The following TENM2 variants were observed in gnomAD, a reference collection of about 807,000 sequenced individuals.
The protein encoded by TENM2 is teneurin-2.
A neutral mutation model predicts 245.2 loss-of-function variants in TENM2; 52 were observed. The ratio of observed to expected loss-of-function variants is 0.21; its 90% CI spans 0.17 to 0.27. TENM2 has a LOEUF of 0.27. Among genes scored for constraint, TENM2 ranks in the 10% least tolerant of loss-of-function variants. The pLI, the probability that TENM2 is intolerant of heterozygous loss-of-function variation, is 1.00. For missense variants in TENM2, 3,046 were observed against 3,666.8 expected (o/e 0.83, Z 4.37); for synonymous variants, 1,363 against 1,438.9 (o/e 0.95, Z 1.19).
Position 168,036,512 on chromosome 5 carries a change from T to G in TENM2, c.1187-10915T>G, listed in dbSNP as rs932028670. On this transcript the variant is annotated intron_variant, in intron 5 of 28. Coordinates refer to ENST00000518659, the Ensembl canonical transcript of TENM2. Reference sequence around the variant, plus strand: ...TTAGCTGGGCATGGTGGTGGGTGCCTGTAATCCCAGCTACTTGGGAGGCTG... The same window carrying G: ...TTAGCTGGGCATGGTGGTGGGTGCCGGTAATCCCAGCTACTTGGGAGGCTG... Among the ~76,000 whole-genome samples the G allele has an allele frequency of 3.7e-4, 56 of 151,698 alleles. 1 individual carries two copies. The highest frequency in any genetic ancestry group is 2.8e-4 in the Non-Finnish European group (19 of 67,942).
chr5:166,996,051 G>C, the TENM2 span, among the ~76,000 whole-genome samples: 1 of 151,698 alleles, frequency 6.6e-6, no homozygotes, highest in African/African-American at 2.4e-5. Context: ...ATTATCAAAG[G>C]AATAATTTTT....
chr5:168,010,037 C>T lies in TENM2; in HGVS notation c.1186+16855C>T, dbSNP rs149453700. Among the ~76,000 whole-genome samples the T allele has an allele frequency of 1.2e-3, 190 of 152,322 alleles. 1 individual carries two copies. The highest frequency in any genetic ancestry group is 6.0e-3 in the East Asian group (31 of 5,182). On this transcript the variant is annotated intron_variant, in intron 5 of 28. Coordinates refer to ENST00000518659, the Ensembl canonical transcript of TENM2. ...GAATCCACCCCTGAAGCCTGCAGCTCCCTCCTGCTTCCCTGCCATGAGAGA... is the reference window on the plus strand; with the variant it reads ...GAATCCACCCCTGAAGCCTGCAGCTTCCTCCTGCTTCCCTGCCATGAGAGA...
intron 2 of TENM2, among the ~76,000 whole-genome samples, chr5:167,623,244 A>G (rs1778289939): frequency 6.6e-6 from 1 of 152,124 alleles, no homozygotes; most frequent in African/African-American, 2.4e-5. Context: ...TTATTTTCTA[A>G]TACTAGGTTC....
chr5:167,249,159 G>C, the TENM2 span, among the ~76,000 whole-genome samples: 4 of 152,112 alleles, frequency 2.6e-5, no homozygotes, highest in Non-Finnish European at 5.9e-5. Flanking sequence ...AAATTTACTG[G>C]AGTGCCTGTA....
intron 10 of TENM2, among the ~76,000 whole-genome samples, chr5:168,123,705 C>G (rs537710641): frequency 3.9e-5 from 6 of 152,344 alleles, no homozygotes; most frequent in Non-Finnish European, 5.9e-5. Flanking sequence ...AGAAATATGT[C>G]TTAATCAAGT....
intron 2 of TENM2, among the ~76,000 whole-genome samples, chr5:167,482,921 A>G (rs1767843477): frequency 6.6e-6 from 1 of 152,246 alleles, no homozygotes; most frequent in Non-Finnish European, 1.5e-5. Context: ...ACTGAGGAAT[A>G]TCCATTTCTT....
rs1012368166 is a variant in TENM2, at chr5:167,353,160, G to T, written c.227-22038G>T. ...TAATCTGTGAAATGCTTTCTGAGCA[G>T]ACTGGCTCATCAGCGCATGCCATGC... On this transcript the variant is annotated intron_variant, in intron 1 of 28. Coordinates refer to ENST00000518659, the Ensembl canonical transcript of TENM2. 3.9e-5 allele frequency among the ~76,000 whole-genome samples: 6 copies of T among 152,182 alleles called. No homozygotes were observed. In the South Asian group the frequency reaches 1.2e-3, roughly 32 times the overall value.
intron 12 of TENM2, 74 bp from the exon 15 acceptor site, chr5:168,162,537 C>T: frequency 6.5e-7 from 1 of 1,539,958 alleles, no homozygotes; most frequent in Non-Finnish European, 8.8e-7. Context: ...CCTTGCTCCC[C>T]TCTGCATGGC....
intron 2 of TENM2, among the ~76,000 whole-genome samples, chr5:167,624,806 A>G (rs1778394738): frequency 6.6e-6 from 1 of 152,200 alleles, no homozygotes; most frequent in Non-Finnish European, 1.5e-5. Context: ...CATAACAAGA[A>G]GAGTTGTTGG....
At chr5:168,169,413 T>A (rs1758600802) in intron 13 of TENM2, among the ~76,000 whole-genome samples, 1 of 152,190 alleles carries the variant, frequency 6.6e-6, no homozygotes, top group South Asian at 2.1e-4. Context: ...GAGACGTGGA[T>A]CCTGGCCTGA....
At chr5:167,274,583 T>G in the TENM2 span, among the ~76,000 whole-genome samples, 1 of 148,866 alleles carries the variant, frequency 6.7e-6, no homozygotes, top group Non-Finnish European at 1.5e-5. Context: ...CTTTCTTTCT[T>G]TCTTTTTTTT....
chr5:167,633,497 A>G (rs1779002943), intron 2 of TENM2, among the ~76,000 whole-genome samples: 1 of 152,160 alleles, frequency 6.6e-6, no homozygotes, highest in Non-Finnish European at 1.5e-5. Flanking sequence ...CAGTCAAAAT[A>G]TTCTTGAAAA....
chr5:167,452,770 G>A (rs10078900), intron 2 of TENM2, among the ~76,000 whole-genome samples: 5,026 of 150,926 alleles, frequency 0.033, 134 homozygotes, highest in African/African-American at 0.073. Context: ...ATCACACACC[G>A]TGGCCTGTTG....
chr5:167,514,172 T>G (rs1770155013), intron 2 of TENM2, among the ~76,000 whole-genome samples: 2 of 152,192 alleles, frequency 1.3e-5, no homozygotes, highest in Admixed American at 1.3e-4. Flanking sequence ...TTGCAAAAGC[T>G]ATCATTGAGT....
At chr5:168,240,655 C>A (rs1195050592) in intron 25 of TENM2, among the ~76,000 whole-genome samples, 1 of 151,576 alleles carries the variant, frequency 6.6e-6, no homozygotes, top group Non-Finnish European at 1.5e-5. Flanking sequence ...CAAAGCCTGG[C>A]ATTAGCTGAC....
chr5:168,206,285 A>G (rs865988372), intron 19 of TENM2, among the ~76,000 whole-genome samples: 9 of 152,134 alleles, frequency 5.9e-5, no homozygotes, highest in African/African-American at 2.2e-4. Context: ...GACTGAGAGG[A>G]GTAAAAAGAG....
At chr5:167,635,349 T>A (rs370449741) in intron 2 of TENM2, among the ~76,000 whole-genome samples, 2 of 152,280 alleles carry the variant, frequency 1.3e-5, no homozygotes, top group African/African-American at 4.8e-5. Flanking sequence ...GTTTTTTCCT[T>A]CTCTCCCTGT....
chr5:167,949,111 G>A (rs1209341799), intron 3 of TENM2, among the ~76,000 whole-genome samples: 8 of 152,160 alleles, frequency 5.3e-5, no homozygotes, highest in Admixed American at 1.3e-4. Context: ...CAAGGCACCC[G>A]AGTGAAACTA....
chr5:167,884,361 A>G (rs776675364), intron 3 of TENM2, among the ~76,000 whole-genome samples: 5 of 152,166 alleles, frequency 3.3e-5, no homozygotes, highest in Admixed American at 6.5e-5. Flanking sequence ...CCTCTAAAAC[A>G]TATTCATCTT....
Sources: gnomAD v4.1 joint callset for allele counts (sites outside exome capture counted in the v4.1 genomes callset) on GRCh38, gnomAD v4.1.1 for gene constraint, MANE v1.5 for transcripts, NCBI Gene and HGNC (gene_info 2026-07-23, HGNC 2026-07-21) for gene names.